The following CCPG1 variants were observed in gnomAD, a reference collection of about 807,000 sequenced individuals.
CCPG1 encodes cell cycle progression protein 1.
Under a neutral mutation model 81.3 loss-of-function variants are expected in CCPG1, and 46 were observed. That is an observed-to-expected ratio of 0.57 (90% CI 0.45 to 0.72). The LOEUF (loss-of-function observed/expected upper bound fraction) is 0.72, where lower values mean the gene tolerates loss of function less well. CCPG1 is among the 30% of genes least tolerant of loss of function. The probability of loss-of-function intolerance (pLI) is 0.00; values close to 1 mark genes in which losing one functional copy is unlikely to be tolerated. For synonymous variants in CCPG1, 330 were observed against 305.2 expected, an observed-to-expected ratio of 1.08 and a Z score of -0.85; for missense variants, 902 against 937.6, an observed-to-expected ratio of 0.96 and a Z score of 0.50.
intron 3 of CCPG1, among the ~76,000 whole-genome samples, chr15:55,379,259 T>C (rs1176171406): frequency 2.0e-5 from 3 of 150,992 alleles, no homozygotes; most frequent in Non-Finnish European, 2.9e-5. Flanking sequence ...CAGTGACTCA[T>C]ACCTGTCACC....
intron 1 of CCPG1, among the ~76,000 whole-genome samples, chr15:55,403,987 T>C (rs144098434): frequency 2.0e-4 from 30 of 152,316 alleles, no homozygotes; most frequent in African/African-American, 7.2e-4. Flanking sequence ...AGAATATAAT[T>C]ATACAACCCA....
intron 6 of CCPG1, among the ~76,000 whole-genome samples, chr15:55,370,704 G>A (rs1032075099): frequency 9.9e-5 from 15 of 151,910 alleles, no homozygotes; most frequent in African/African-American, 3.6e-4. Flanking sequence ...GTGAAACCCC[G>A]TCTCTACTAA....
intron 3 of CCPG1, among the ~76,000 whole-genome samples, chr15:55,380,243 T>A (rs2056654171): frequency 6.8e-6 from 1 of 147,552 alleles, no homozygotes; most frequent in Non-Finnish European, 1.5e-5. Flanking sequence ...AAATTTCTTT[T>A]GCTTACTATT....
At position 55,378,611 on chromosome 15, in the gene CCPG1, T is replaced by TC. The variant is rs2056614758; in HGVS notation, c.176-236_176-235insG. ...AGAAAATGCAATCATTTAAGATTTT[T>TC]TTTTTTTTTGGAGATGGAGTCTTGC... On this transcript the variant is annotated intron_variant, in intron 3 of 8. Coordinates refer to ENST00000442196, the MANE Select transcript of CCPG1 (RefSeq NM_001204450.2). 7.2e-5 allele frequency among the ~76,000 whole-genome samples: 11 copies of TC among 152,150 alleles called. No individual in the cohort carries two copies. The South Asian group carries it at 2.3e-3, about 32-fold the overall frequency.
intron 1 of CCPG1, among the ~76,000 whole-genome samples, chr15:55,400,203 C>CAAAA (rs61331208): frequency 0.02 from 649 of 32,904 alleles, 69 homozygotes; most frequent in African/African-American, 0.055. Context: ...TACTCTACCT[C>CAAAA]AAAAAAAAAA....
rs994164100 is a variant in CCPG1, at chr15:55,358,897, T to C, written c.2234+642A>G. The C allele has an allele frequency of 3.1e-6, 3 of 963,122 alleles. No homozygotes were observed. The African/African-American group carries it at 5.3e-5, about 17-fold the overall frequency. 59.7% of individuals were successfully genotyped at this position (963,122 alleles called of 1,614,324 possible). On this transcript the variant is annotated intron_variant, in intron 8 of 8. Transcript: ENST00000442196. ...GATTAAGTATTTCAAAGGTAAAAAA[T>C]GAAGCTAACATTTGAAGATTAGGTA...
intron 1 of CCPG1, among the ~76,000 whole-genome samples, chr15:55,400,203 CAAAAAAAAAAAA>C (rs61331208): frequency 0.01 from 333 of 32,978 alleles, 7 homozygotes; most frequent in African/African-American, 0.017. Context: ...TACTCTACCT[CAAAAAAAAAAAA>C]AAAAAAAAAA....
rs762995970 is a variant in CCPG1, at chr15:55,356,922, A to G, written c.2235-513T>C. On this transcript the variant is annotated intron_variant, in intron 8 of 8. Coordinates refer to ENST00000442196, the MANE Select transcript of CCPG1 (RefSeq NM_001204450.2). ...TCATCCCCTGGCCGCCCAGTTTCCA[A>G]GCCAAGAAAACATTTTCCGCACATC... The G allele has an allele frequency of 1.0e-3, 1,033 of 985,478 alleles. 1 individual carries two copies. The highest frequency in any genetic ancestry group is 1.2e-3 in the Non-Finnish European group (962 of 830,084). The allele number at this position is 985,478 out of a possible 1,614,324, so 61.0% of individuals were successfully genotyped here.
At chr15:55,374,137 C>T (rs759790477) in intron 5 of CCPG1, 1 of 1,270,392 alleles carries the variant, frequency 7.9e-7, no homozygotes, top group South Asian at 1.2e-5. Context: ...AGAAGCTGGT[C>T]AGATTTAGTC....
chr15:55,365,427 T>G lies in CCPG1; in HGVS notation c.707-118A>C, dbSNP rs1002647549. ...TATGTAGTCTTTTTTTTGTTTTTTT[T>G]TTTTGTTTTTTTTTTGTTTTTTGAG... On this transcript the variant is annotated intron_variant, in intron 6 of 8. Transcript: ENST00000442196. The G allele has an allele frequency of 1.1e-3, 716 of 643,436 alleles. 2 individuals carry two copies. The highest frequency in any genetic ancestry group is 0.011 in the African/African-American group (545 of 51,722). 39.9% of individuals were successfully genotyped at this position (643,436 alleles called of 1,614,324 possible).
intron 4 of CCPG1, among the ~76,000 whole-genome samples, chr15:55,377,616 T>C (rs1210432887): frequency 2.6e-5 from 4 of 152,234 alleles, no homozygotes; most frequent in Admixed American, 6.5e-5. Context: ...TAATCGCCAA[T>C]GTGATAGTAC....
chr15:55,395,236 C>A (rs1335866632), intron 1 of CCPG1, among the ~76,000 whole-genome samples: 1 of 151,694 alleles, frequency 6.6e-6, no homozygotes, highest in South Asian at 2.1e-4. Flanking sequence ...AACAGGCTTA[C>A]TAAAGAACCC....
At chr15:55,368,518 A>G (rs539240962) in intron 6 of CCPG1, among the ~76,000 whole-genome samples, 2 of 152,372 alleles carry the variant, frequency 1.3e-5, no homozygotes, top group South Asian at 4.1e-4. Flanking sequence ...AGAGCCGGGT[A>G]GTCTATCAAT....
intron 1 of CCPG1, among the ~76,000 whole-genome samples, chr15:55,392,990 G>C (rs1200047245): frequency 2.0e-5 from 3 of 152,178 alleles, no homozygotes; most frequent in Non-Finnish European, 4.4e-5. Flanking sequence ...TGTAATCCCA[G>C]CTACTCGAGA....
intron 1 of CCPG1, among the ~76,000 whole-genome samples, chr15:55,398,427 A>G (rs1170195890): frequency 1.3e-5 from 2 of 152,202 alleles, no homozygotes; most frequent in South Asian, 4.1e-4. Context: ...TCATGTGACC[A>G]AAGATAAGCG....
In CCPG1 at chr15:55,392,014, C is replaced by T. The variant is rs372949812; in HGVS notation, c.-9-2581G>A. Among the ~76,000 whole-genome samples the T allele has an allele frequency of 7.7e-4, 97 of 126,578 alleles. 3 individuals are homozygous for T. In the East Asian group the frequency reaches 0.019, roughly 25 times the overall value. 83.0% of individuals were successfully genotyped at this position (126,578 alleles called of 152,430 possible). On this transcript the variant is annotated intron_variant, in intron 1 of 8. Coordinates refer to ENST00000442196, the MANE Select transcript of CCPG1 (RefSeq NM_001204450.2). ...GCAACATTGCAAAAAACAAACAAAA[C>T]GATTTCTGATTCCTAAAAAAAAAAA...
intron 1 of CCPG1, among the ~76,000 whole-genome samples, chr15:55,400,927 A>C (rs1458845168): frequency 6.6e-6 from 1 of 152,212 alleles, no homozygotes; most frequent in Non-Finnish European, 1.5e-5. Flanking sequence ...ACATTTTTAA[A>C]GTATCTTTAT....
rs1006834572 is a variant in CCPG1, at chr15:55,392,810, T to C, written c.-9-3377A>G. ...AGGATGACAGGCATAAGCGGTTGTA[T>C]CTGGTCAGATTTGGCCAGGTGCAGT... On this transcript the variant is annotated intron_variant, in intron 1 of 8. Transcript: ENST00000442196. Among the ~76,000 whole-genome samples, 4 of 152,178 alleles carry C rather than the reference T, an allele frequency of 2.6e-5. No individual in the cohort carries two copies. The East Asian group carries it at 5.8e-4, about 22-fold the overall frequency.
chr15:55,394,013 T>C (rs899684897), intron 1 of CCPG1, among the ~76,000 whole-genome samples: 7 of 152,182 alleles, frequency 4.6e-5, no homozygotes, highest in African/African-American at 1.4e-4. Context: ...TCTGTGTGTT[T>C]TGTCCAGTTC....
Sources: gnomAD v4.1 joint callset for allele counts (sites outside exome capture counted in the v4.1 genomes callset) on GRCh38, gnomAD v4.1.1 for gene constraint, MANE v1.5 for transcripts, NCBI Gene and HGNC (gene_info 2026-07-23, HGNC 2026-07-21) for gene names.